The following KIF18B variants were observed in gnomAD, a reference collection of about 807,000 sequenced individuals.
The protein encoded by KIF18B is kinesin-like protein KIF18B.
Under a neutral mutation model 80.9 loss-of-function variants are expected in KIF18B, and 49 were observed. The observed-to-expected ratio is 0.61, with a 90% CI of 0.48 to 0.77. KIF18B has a LOEUF of 0.77. KIF18B is among the 30% of genes least tolerant of loss of function. KIF18B has a pLI of 0.00. For synonymous variants in KIF18B, 439 were observed against 463.9 expected (o/e 0.95, Z 0.69); for missense variants, 994 against 1,127.7 (o/e 0.88, Z 1.70).
At chr17:44,937,880 A>G (rs972656005) in intron 1 of KIF18B, among the ~76,000 whole-genome samples, 4 of 152,082 alleles carry the variant, frequency 2.6e-5, no homozygotes, top group Non-Finnish European at 5.9e-5. Flanking sequence ...TTATACAAGT[A>G]GTCTTTATAA....
At chr17:44,936,634 T>A (rs1457042746) in intron 1 of KIF18B, among the ~76,000 whole-genome samples, 69 of 59,718 alleles carry the variant, frequency 1.2e-3, no homozygotes, top group Non-Finnish European at 1.6e-3. Flanking sequence ...ATTTTTTTTT[T>A]TTTTTTTTTT....
rs2052478890 is a variant in KIF18B, at chr17:44,944,583, G to A, written c.-15+3045C>T. Among the ~76,000 whole-genome samples, 3 of 152,080 alleles carry A rather than the reference G, an allele frequency of 2.0e-5. No homozygotes were observed. The South Asian group carries it at 6.2e-4, about 32-fold the overall frequency. ...TTTTCTTTGTGTTATTTTTGATATC[G>A]TAAAATAGACCCAATATGTTTTCTC... is the stretch of plus-strand genomic sequence containing the variant. On this transcript the variant is annotated intron_variant, in intron 1 of 15. Transcript: ENST00000593135.
intron 9 of KIF18B, 142 bp from the exon 10 acceptor site, chr17:44,932,348 C>T (rs1478644827): frequency 1.1e-6 from 1 of 930,098 alleles, no homozygotes; most frequent in Non-Finnish European, 1.6e-6. Flanking sequence ...CCATAAGGGA[C>T]AGATGCTTAG....
chr17:44,934,668 T>C lies in KIF18B; in HGVS notation c.577-51A>G, dbSNP rs1481402820. ...GGCTGTGGGTTCCCGGATCAGGACT[T>C]TTCCCCTAACAGGAAGGGCTGCTCT... On this transcript the variant is annotated intron_variant, in intron 4 of 15. Transcript: ENST00000593135. The surrounding 1 kb of genome is among the most constrained non-coding windows in gnomAD (Gnocchi z 5.4). The C allele has an allele frequency of 1.4e-6, 2 of 1,463,260 alleles. No individual in the cohort carries two copies. The highest frequency in any genetic ancestry group is 2.8e-5 in the African/African-American group (2 of 70,954). The allele number at this position is 1,463,260 out of a possible 1,614,324, so 90.6% of individuals were successfully genotyped here.
rs1052572708 is a variant in KIF18B at position 44,928,472 on chromosome 17, C to T, written c.1830G>A (p.Pro610=). 26 of 1,527,556 alleles carry T rather than the reference C, an allele frequency of 1.7e-5. No individual in the cohort carries two copies. Among genetic ancestry groups the T allele is most frequent in the African/African-American group, 4.1e-5 (3 of 72,612 alleles). 94.6% of individuals were successfully genotyped at this position (1,527,556 alleles called of 1,614,324 possible). A position where few individuals can be genotyped will look rare whatever the true frequency, so the allele number is the denominator to read the frequency against. Residue 610 remains proline, a synonymous_variant, in exon 13 of 16, where the codon CCG becomes CCA. Transcript: ENST00000593135. The stretch of plus-strand genomic sequence containing the variant: ...GGGCTGGGGTGCAGTTGGGTCCAGG[C>T]GGGATTCCCAGGGTGTGCAGGGGGC... ...LSGPLHTLGI[P]PGPNCTPAQG...
chr17:44,942,175 A>G (rs760780952), intron 1 of KIF18B, among the ~76,000 whole-genome samples: 1 of 152,210 alleles, frequency 6.6e-6, no homozygotes, highest in Non-Finnish European at 1.5e-5. Context: ...AATGTGTGTC[A>G]AGTTTGCTTT....
At chr17:44,932,553 A>C in intron 9 of KIF18B, 120 bp downstream of exon 9, 1 of 704,388 alleles carries the variant, frequency 1.4e-6, no homozygotes, top group Admixed American at 2.2e-5. Context: ...GCAAACCCTT[A>C]ACCCTAGGGA....
chr17:44,931,568 C>G (rs2145686808), intron 11 of KIF18B, 34 bp downstream of exon 11: 1 of 1,613,772 alleles, frequency 6.2e-7, no homozygotes, highest in Non-Finnish European at 8.5e-7. Flanking sequence ...TTGCTTCCCA[C>G]CTTGATTCCA....
rs1415355248 is a variant in KIF18B, at chr17:44,925,851, A to T, written c.*229T>A. 1 of 587,828 alleles carries T rather than the reference A, an allele frequency of 1.7e-6. No individual in the cohort carries two copies. Among genetic ancestry groups the T allele is most frequent in the Admixed American group, 3.1e-5 (1 of 31,910 alleles). The allele number at this position is 587,828 out of a possible 1,614,324, so 36.4% of individuals were successfully genotyped here. A position where few individuals can be genotyped will look rare whatever the true frequency, so the allele number is the denominator to read the frequency against. On this transcript the variant is annotated 3_prime_UTR_variant, in exon 16 of 16. Transcript: ENST00000593135. ...AGCAGCACATTAACACTCACAAATG[A>T]ATATGTACATGCCAAGAAGCTGAGT...
intron 7 of KIF18B, 104 bp from the exon 8 acceptor site, chr17:44,933,090 T>A: frequency 9.9e-7 from 1 of 1,011,154 alleles, no homozygotes. Flanking sequence ...CACGTCCCCA[T>A]GACCCACCCT....
intron 1 of KIF18B, among the ~76,000 whole-genome samples, chr17:44,943,749 C>A (rs765818533): frequency 4.9e-4 from 74 of 151,904 alleles, no homozygotes; most frequent in Non-Finnish European, 9.4e-4. Flanking sequence ...ATGTTGTTGC[C>A]CAGGCTGGAA....
intron 11 of KIF18B, among the ~76,000 whole-genome samples, chr17:44,929,570 C>T (rs1471516141): frequency 6.6e-6 from 1 of 152,190 alleles, no homozygotes; most frequent in Non-Finnish European, 1.5e-5. Context: ...GCCCCCACCT[C>T]ATAGGGTTAT....
At position 44,927,186 on chromosome 17, in the gene KIF18B, C is replaced by T; in HGVS notation, c.2277-108G>A. The T allele has an allele frequency of 2.7e-6, 2 of 745,500 alleles. No homozygotes were observed. Among genetic ancestry groups the T allele is most frequent in the African/African-American group, 1.8e-5 (1 of 56,474 alleles). 46.2% of individuals were successfully genotyped at this position (745,500 alleles called of 1,614,324 possible). A position where few individuals can be genotyped will look rare whatever the true frequency, so the allele number is the denominator to read the frequency against. ...TCGGGCATGGGGGAGGGTGGTTGGA[C>T]AAGATGACCTCTGAGGTTTCTTCTA... On this transcript the variant is annotated intron_variant, in intron 13 of 15. Coordinates refer to ENST00000593135, the MANE Select transcript of KIF18B (RefSeq NM_001265577.2). The surrounding 1 kb of genome is among the most constrained non-coding windows in gnomAD (Gnocchi z 4.1).
chr17:44,937,012 C>CTTT (rs550987711), intron 1 of KIF18B, among the ~76,000 whole-genome samples: 1 of 144,116 alleles, frequency 6.9e-6, no homozygotes, highest in African/African-American at 2.5e-5. Context: ...TTTGTCTATT[C>CTTT]TTTTTTTTTT....
At chr17:44,935,097 G>T (rs115884979) in intron 3 of KIF18B, among the ~76,000 whole-genome samples, 162 bp from the exon 4 acceptor site, 1 of 152,062 alleles carries the variant, frequency 6.6e-6, no homozygotes, top group Non-Finnish European at 1.5e-5. Flanking sequence ...GTGAACAGGC[G>T]GGTGTCTCTA....
chr17:44,928,350 C>T lies in KIF18B; in HGVS notation c.1952G>A (p.Arg651His), dbSNP rs371129096. ...CCTTAGGCAGGGCAGGAAGGACTGG[C>T]GCTGGCGCTTGGTGCCCCGCTTTGG... ...MAPKRGTKRQ[R>H]QSFLPCLRRG... The change falls in exon 13 of 16, where the codon CGC becomes CAC. Residue 651 changes from arginine (R) to histidine (H), a missense_variant. Transcript: ENST00000593135. The T allele has an allele frequency of 5.6e-5, 90 of 1,605,258 alleles. No individual in the cohort carries two copies. The highest frequency in any genetic ancestry group is 6.8e-5 in the Non-Finnish European group (80 of 1,176,814).
chr17:44,942,405 C>T (rs1243971775), intron 1 of KIF18B, among the ~76,000 whole-genome samples: 1 of 152,168 alleles, frequency 6.6e-6, no homozygotes, highest in Non-Finnish European at 1.5e-5. Flanking sequence ...GAGACAGGTC[C>T]AGTGAGCCCA....
In KIF18B at chr17:44,932,926, G is replaced by T. The variant is rs1406288544; in HGVS notation, c.1123C>A (p.Gln375Lys). Residue 375 changes from glutamine to lysine, a missense_variant, in exon 8 of 16, where the codon CAG becomes AAG. Coordinates refer to ENST00000593135, the MANE Select transcript of KIF18B (RefSeq NM_001265577.2). ...HISQYATICQ[Q>K]LQAEVAALRK... ...GGGCTCCTCACCTCAGCCTGGAGCT[G>T]TTGGCAGATGGTAGCATACTGGCTG... 6.2e-7 allele frequency: 1 copy of T among 1,606,420 alleles called. No individual in the cohort carries two copies. The highest frequency in any genetic ancestry group is 1.1e-5 in the South Asian group (1 of 90,864).
In KIF18B at chr17:44,946,217, T is replaced by G. The variant is rs906057254; in HGVS notation, c.-15+1411A>C. ...TATAAAATATGCTACATGGATACTT[T>G]TTTTAACTTCTATTTTATTTTTTTG... is the stretch of plus-strand genomic sequence containing the variant. On this transcript the variant is annotated intron_variant, in intron 1 of 15. Coordinates refer to ENST00000593135, the MANE Select transcript of KIF18B (RefSeq NM_001265577.2). 5.2e-5 allele frequency among the ~76,000 whole-genome samples: 8 copies of G among 152,382 alleles called. No homozygotes were observed. In the East Asian group the frequency reaches 1.5e-3, roughly 29 times the overall value.
Sources: gnomAD v4.1 joint callset for allele counts (sites outside exome capture counted in the v4.1 genomes callset) on GRCh38, gnomAD v4.1.1 for gene constraint, Gnocchi (gnomAD v3.1) non-coding constraint, MANE v1.5 for transcripts, NCBI Gene and HGNC (gene_info 2026-07-23, HGNC 2026-07-21) for gene names.